Variants in FBXO36 observed in about 807,000 individuals in gnomAD.
The protein encoded by FBXO36 is F-box only protein 36.
In FBXO36, 18 loss-of-function variants were observed where a neutral mutation model predicts 17.0. That is an observed-to-expected ratio of 1.06 (90% CI 0.73 to 1.57). The LOEUF (loss-of-function observed/expected upper bound fraction) is 1.57. Ranked by LOEUF, FBXO36 falls within the 40% of genes most tolerant of loss-of-function variation. The pLI is 0.00. For missense variants in FBXO36, 229 were observed against 221.9 expected (o/e 1.03, Z -0.20); for synonymous variants, 83 against 85.3 (o/e 0.97, Z 0.15).
intron 2 of FBXO36, among the ~76,000 whole-genome samples, chr2:229,980,153 T>C (rs1214614899): frequency 1.3e-5 from 2 of 152,016 alleles, no homozygotes; most frequent in African/African-American, 4.8e-5. Context: ...GTTTAAGCAG[T>C]TCTCATGCCA....
At chr2:229,979,687 G>C (rs1037930678) in intron 2 of FBXO36, among the ~76,000 whole-genome samples, 8 of 151,684 alleles carry the variant, frequency 5.3e-5, no homozygotes, top group African/African-American at 1.9e-4. Flanking sequence ...AGCTGAGGCA[G>C]GAGAATCACT....
At chr2:229,978,546 C>T (rs959723883) in intron 2 of FBXO36, among the ~76,000 whole-genome samples, 1 of 152,084 alleles carries the variant, frequency 6.6e-6, no homozygotes, top group South Asian at 2.1e-4. Flanking sequence ...GAGATCACGC[C>T]GTTGCACTCC....
chr2:229,949,091 C>T (rs1246320044), intron 1 of FBXO36, among the ~76,000 whole-genome samples: 2 of 152,176 alleles, frequency 1.3e-5, no homozygotes, highest in African/African-American at 2.4e-5. Context: ...CCTTGGCCTC[C>T]TAAAGTGCTG....
chr2:229,938,135 T>C (rs2076975067), intron 1 of FBXO36, among the ~76,000 whole-genome samples: 1 of 145,716 alleles, frequency 6.9e-6, no homozygotes, highest in African/African-American at 2.5e-5. Context: ...GCCCGGCTAA[T>C]TTTTTGTATT....
intron 1 of FBXO36, among the ~76,000 whole-genome samples, chr2:229,971,915 T>C (rs1463335924): frequency 6.6e-6 from 1 of 151,788 alleles, no homozygotes; most frequent in African/African-American, 2.4e-5. Context: ...TGGGCCCAAG[T>C]GATCCTCCTG....
chr2:229,929,335 A>C (rs1048044677), intron 1 of FBXO36, among the ~76,000 whole-genome samples: 1 of 151,808 alleles, frequency 6.6e-6, no homozygotes, highest in African/African-American at 2.4e-5. Context: ...AGCCTGAGGC[A>C]GGCAGATCAC....
Position 229,922,554 on chromosome 2 carries a change from G to C in FBXO36, c.41G>C (p.Gly14Ala), listed in dbSNP as rs2076761020. 6.2e-7 allele frequency: 1 copy of C among 1,614,052 alleles called. No individual in the cohort carries two copies. ...CCGGAGACTCTCTTTGAAACTGTAG[G>C]ACAAGGCCCGCCGCCTAGCAAAGAC... ...WLPETLFETV[G>A]QGPPPSKDYY... Residue 14 changes from glycine to alanine, a missense_variant, in exon 1 of 4, where the codon GGA (glycine) becomes GCA (alanine). Physicochemically the swap from Gly to Ala is moderately conservative, Grantham distance 60. Transcript: ENST00000283946.
chr2:229,931,475 G>A (rs1352433257), intron 1 of FBXO36, among the ~76,000 whole-genome samples: 2 of 152,140 alleles, frequency 1.3e-5, no homozygotes, highest in Non-Finnish European at 2.9e-5. Flanking sequence ...TAATTTGTCT[G>A]AGCCCTATTT....
chr2:229,933,900 G>A (rs1192162080), intron 1 of FBXO36, among the ~76,000 whole-genome samples: 1 of 151,874 alleles, frequency 6.6e-6, no homozygotes, highest in Admixed American at 6.6e-5. Flanking sequence ...TGGCCAGGCT[G>A]GTCTCGAACT....
At chr2:229,946,303 G>A (rs922744187) in intron 1 of FBXO36, among the ~76,000 whole-genome samples, 3 of 152,074 alleles carry the variant, frequency 2.0e-5, no homozygotes, top group Non-Finnish European at 2.9e-5. Context: ...TTTTCAACTC[G>A]CCCATTGTCA....
At chr2:229,987,364 T>C (rs2077274469) in intron 2 of FBXO36, among the ~76,000 whole-genome samples, 1 of 152,182 alleles carries the variant, frequency 6.6e-6, no homozygotes, top group African/African-American at 2.4e-5. Flanking sequence ...GGATCTGTAG[T>C]GTGTTCTCTT....
At chr2:229,998,614 C>T (rs1220946218) in intron 3 of FBXO36, among the ~76,000 whole-genome samples, 4 of 146,292 alleles carry the variant, frequency 2.7e-5, no homozygotes, top group African/African-American at 1.0e-4. Flanking sequence ...AAGAGCGAAA[C>T]TCAGTCTCAG....
At chr2:230,008,899 G>T (rs1050211902) in intron 3 of FBXO36, among the ~76,000 whole-genome samples, 7 of 152,176 alleles carry the variant, frequency 4.6e-5, no homozygotes, top group Non-Finnish European at 7.3e-5. Flanking sequence ...AAGGTCTGTA[G>T]ATATCATATG....
At chr2:229,992,102 T>TGCTTGGACATTTCCTTA (rs1380938725) in intron 2 of FBXO36, among the ~76,000 whole-genome samples, 1 of 152,110 alleles carries the variant, frequency 6.6e-6, no homozygotes, top group African/African-American at 2.4e-5. Flanking sequence ...GTTCCTGCTC[T>TGCTTGGACATTTCCTTA]GCTTGGACAT....
At position 229,982,437 on chromosome 2, in the gene FBXO36, C is replaced by T. The variant is rs564344003; in HGVS notation, c.205+6088C>T. On this transcript the variant is annotated intron_variant, in intron 2 of 3. Transcript: ENST00000283946. The stretch of plus-strand genomic sequence containing the variant: ...CCTTCTCTGACTATGACTCTCCTGC[C>T]TTCGTCTTTCCCTTATAAGGAACTT... Among the ~76,000 whole-genome samples the T allele has an allele frequency of 1.2e-4, 19 of 152,196 alleles. No homozygotes were observed. The South Asian group carries it at 2.7e-3, about 22-fold the overall frequency.
intron 1 of FBXO36, among the ~76,000 whole-genome samples, chr2:229,960,541 A>C (rs1342777517): frequency 1.3e-5 from 2 of 151,844 alleles, no homozygotes; most frequent in Non-Finnish European, 2.9e-5. Context: ...CCCACACAGC[A>C]GTGCACTGGT....
At chr2:229,938,099 C>T (rs1194902322) in intron 1 of FBXO36, among the ~76,000 whole-genome samples, 1 of 151,974 alleles carries the variant, frequency 6.6e-6, no homozygotes, top group African/African-American at 2.4e-5. Context: ...TCCCGCATAG[C>T]TGAGATTACA....
intron 2 of FBXO36, among the ~76,000 whole-genome samples, chr2:229,983,734 C>G (rs1242482570): frequency 6.6e-6 from 1 of 152,218 alleles, no homozygotes; most frequent in Non-Finnish European, 1.5e-5. Flanking sequence ...TACTTCCATT[C>G]CAATCCTGGC....
chr2:230,003,747 T>A (rs2077372351), intron 3 of FBXO36, among the ~76,000 whole-genome samples: 1 of 152,230 alleles, frequency 6.6e-6, no homozygotes, highest in Admixed American at 6.5e-5. Flanking sequence ...TTGGCCAGGC[T>A]AGTCTTGAAC....
Sources: allele counts gnomAD v4.1 joint callset (sites outside exome capture counted in the v4.1 genomes callset), GRCh38; gene constraint gnomAD v4.1.1; transcripts MANE v1.5; gene names NCBI Gene and HGNC (gene_info 2026-07-23, HGNC 2026-07-21).